NANOS3: variants seen among roughly 807,000 people sequenced by gnomAD.
The protein encoded by NANOS3 is nanos C2HC-type zinc finger 3.
NANOS3 carries 11 observed loss-of-function variants against 13.8 expected under a neutral mutation model. The ratio of observed to expected loss-of-function variants is 0.80; its 90% CI spans 0.50 to 1.32. The LOEUF (loss-of-function observed/expected upper bound fraction) is 1.32, where lower values mean the gene tolerates loss of function less well. NANOS3 is among the 40% of genes most tolerant of loss of function. The pLI is 0.00. For synonymous variants in NANOS3, 119 were observed against 115.4 expected (o/e 1.03, Z -0.20); for missense variants, 221 against 263.8 (o/e 0.84, Z 1.12).
rs763327872 is a variant in NANOS3, at chr19:13,880,473, G to T, written c.549G>T (p.Ser183=). The change falls in exon 2 of 2, where the codon TCG becomes TCT. Residue 183 remains serine (S), a synonymous_variant. Coordinates refer to ENST00000339133, the MANE Select transcript of NANOS3 (RefSeq NM_001098622.3). The stretch of plus-strand genomic sequence containing the variant: ...GAGGTGCCGGGAAGTCTGAGCCTTC[G>T]CCCTCCTGCTCTCCCTCCATGTCCA... The part of the protein sequence containing the change: ...GFRGAGKSEP[S]PSCSPSMST 3 of 1,613,816 alleles carry T rather than the reference G, an allele frequency of 1.9e-6. No individual in the cohort carries two copies. Among genetic ancestry groups the T allele is most frequent in the Admixed American group, 3.3e-5 (2 of 59,982 alleles).
upstream of NANOS3, chr19:13,865,294 C>CA (rs946225728): frequency 3.4e-5 from 5 of 146,270 alleles, no homozygotes; most frequent in Non-Finnish European, 4.6e-5. Flanking sequence ...CCCCTCCCCC[C>CA]CCCCGCCCAC....
intron 1 of NANOS3, among the ~76,000 whole-genome samples, chr19:13,866,173 TAAAAAGGG>T (rs1026967962): frequency 6.6e-6 from 1 of 151,906 alleles, no homozygotes; most frequent in African/African-American, 2.4e-5. Flanking sequence ...AAACTGGCCA[TAAAAAGGG>T]AAAATGGCCC....
chr19:13,866,462 T>C (rs1263586312), intron 1 of NANOS3, among the ~76,000 whole-genome samples: 1 of 152,040 alleles, frequency 6.6e-6, no homozygotes, highest in African/African-American at 2.4e-5. Flanking sequence ...AATTACACGC[T>C]ATACACAGAC....
rs1429535650 is a variant in NANOS3 at position 13,880,301 on chromosome 19, C to G, written c.518-141C>G. ...CGGGGCCGCCCGGCGGAGCCAGAGACGTCACGGGGTCGCTGTCTCCGGAGC... is the reference window on the plus strand; with the variant it reads ...CGGGGCCGCCCGGCGGAGCCAGAGAGGTCACGGGGTCGCTGTCTCCGGAGC... On this transcript the variant is annotated intron_variant, in intron 1 of 1. Transcript: ENST00000339133. 6 of 706,028 alleles carry G rather than the reference C, an allele frequency of 8.5e-6. No individual in the cohort carries two copies. The African/African-American group carries it at 1.1e-4, about 13-fold the overall frequency. The allele number at this position is 706,028 out of a possible 1,614,324, so 43.7% of individuals were successfully genotyped here.
At chr19:13,867,200 C>T (rs1355824860) in intron 1 of NANOS3, among the ~76,000 whole-genome samples, 1 of 152,158 alleles carries the variant, frequency 6.6e-6, no homozygotes, top group Admixed American at 6.6e-5. Context: ...TTCAGCCTCC[C>T]AAAGTGCTGG....
chr19:13,868,748 G>A (rs186331709), intron 1 of NANOS3, among the ~76,000 whole-genome samples: 1 of 151,564 alleles, frequency 6.6e-6, no homozygotes, highest in African/African-American at 2.4e-5. Context: ...GGAATGGGAT[G>A]GGGGGGACAC....
chr19:13,862,540 CTTTT>C (rs1261042407), upstream of NANOS3, among the ~76,000 whole-genome samples: 1 of 150,494 alleles, frequency 6.6e-6, no homozygotes, highest in African/African-American at 2.4e-5. Flanking sequence ...TTTTTTTTTT[CTTTT>C]TTCTTTTTTT....
At chr19:13,870,560 C>CTTTTTTTTTTT (rs34524831) in intron 1 of NANOS3, among the ~76,000 whole-genome samples, 1 of 71,624 alleles carries the variant, frequency 1.4e-5, no homozygotes, top group Non-Finnish European at 2.4e-5. Flanking sequence ...GATAGCGTGG[C>CTTTTTTTTTTT]TTTTTTTTTT....
chr19:13,863,440 A>T (rs1297930357), upstream of NANOS3, among the ~76,000 whole-genome samples: 2 of 150,330 alleles, frequency 1.3e-5, no homozygotes, highest in Admixed American at 1.3e-4. Flanking sequence ...CTGGTCTTGA[A>T]CTCCTGGCCT....
chr19:13,874,329 G>A (rs1159655326), upstream of NANOS3, among the ~76,000 whole-genome samples: 2 of 152,302 alleles, frequency 1.3e-5, no homozygotes, highest in African/African-American at 4.8e-5. Flanking sequence ...AGGATCCTCC[G>A]TTGCCAGACT....
chr19:13,869,109 C>T lies in NANOS3; in HGVS notation n.21+3672C>T, dbSNP rs555666239. Among the ~76,000 whole-genome samples the T allele has an allele frequency of 3.3e-5, 5 of 152,190 alleles. No homozygotes were observed. The South Asian group carries it at 1.0e-3, about 32-fold the overall frequency. On this transcript the variant is annotated intron_variant and non_coding_transcript_variant, in intron 1 of 2. Transcript: ENST00000591161. ...TTCTTGAGACGGAGCCCACCCTGAC[C>T]CCAAACCCAGGGTCACCCAGCACCA...
chr19:13,865,290 C>CA (rs1351383803), upstream of NANOS3: 12 of 145,666 alleles, frequency 8.2e-5, no homozygotes, highest in South Asian at 2.6e-3. Flanking sequence ...CGGCCCCCTC[C>CA]CCCCCCCCGC....
At chr19:13,868,489 C>T (rs770412282) in intron 1 of NANOS3, among the ~76,000 whole-genome samples, 3 of 151,576 alleles carry the variant, frequency 2.0e-5, no homozygotes, top group Non-Finnish European at 2.9e-5. Flanking sequence ...TTTGGGAGGC[C>T]GAGGTGGCAG....
intron 1 of NANOS3, among the ~76,000 whole-genome samples, chr19:13,870,632 A>G (rs1426814513): frequency 2.2e-5 from 3 of 138,706 alleles, no homozygotes; most frequent in Non-Finnish European, 4.6e-5. Flanking sequence ...CAGTGGCTCA[A>G]TCTCGGCTCA....
rs1278593776 is a variant in NANOS3, at chr19:13,865,494, G to A, written n.21+57G>A. 1.4e-5 allele frequency: 2 copies of A among 143,316 alleles called. 1 individual carries two copies. The highest frequency in any genetic ancestry group is 4.3e-4 in the South Asian group (2 of 4,686). The allele number at this position is 143,316 out of a possible 1,614,324, so 8.9% of individuals were successfully genotyped here. ...CGGGCGGGGCGGGGGCCGCCCGCGG[G>A]CAGGGGGCGCGGCGGGGCGGGGCGG... On this transcript the variant is annotated intron_variant and non_coding_transcript_variant, in intron 1 of 2. Coordinates refer to the NANOS3 transcript ENST00000591161.
chr19:13,864,222 T>C (rs565415497), upstream of NANOS3, among the ~76,000 whole-genome samples: 18 of 151,920 alleles, frequency 1.2e-4, no homozygotes, highest in Non-Finnish European at 2.2e-4. Context: ...AGGGGGGATG[T>C]CTGGGGAGGA....
At chr19:13,869,870 C>CA (rs1164897487) in intron 1 of NANOS3, among the ~76,000 whole-genome samples, 2 of 151,970 alleles carry the variant, frequency 1.3e-5, no homozygotes, top group Non-Finnish European at 2.9e-5. Context: ...CATACAGAGA[C>CA]ACCCCCAACC....
At chr19:13,879,397 C>T (rs566665499) in intron 1 of NANOS3, among the ~76,000 whole-genome samples, 1 of 152,296 alleles carries the variant, frequency 6.6e-6, no homozygotes, top group East Asian at 1.9e-4. Flanking sequence ...GAGAGGACGA[C>T]CCCTCCCAAC....
upstream of NANOS3, chr19:13,875,010 A>G (rs1168680362): frequency 2.1e-6 from 1 of 486,036 alleles, no homozygotes; most frequent in East Asian, 5.6e-5. Flanking sequence ...GGGAATGGGG[A>G]CTGGGGACAG....
Sources: allele counts gnomAD v4.1 joint callset (sites outside exome capture counted in the v4.1 genomes callset), GRCh38; gene constraint gnomAD v4.1.1; transcripts MANE v1.5; gene names NCBI Gene and HGNC (gene_info 2026-07-23, HGNC 2026-07-21).